FNDC3A: variants seen among roughly 807,000 people sequenced by gnomAD.
FNDC3A encodes fibronectin type III domain containing 3A.
A neutral mutation model predicts 148.9 loss-of-function variants in FNDC3A; 32 were observed. That is an observed-to-expected ratio of 0.21 (90% CI 0.16 to 0.29). FNDC3A has a LOEUF of 0.29. Ranked by LOEUF, FNDC3A falls within the 10% of genes least tolerant of loss-of-function variation. FNDC3A has a pLI of 1.00. For missense variants in FNDC3A, 1,191 were observed against 1,452.8 expected, an observed-to-expected ratio of 0.82 and a Z score of 2.93; for synonymous variants, 472 against 473.6, an observed-to-expected ratio of 1.00 and a Z score of 0.04.
At chr13:49,045,202 C>T (rs1405652784) in intron 2 of FNDC3A, among the ~76,000 whole-genome samples, 3 of 151,176 alleles carry the variant, frequency 2.0e-5, no homozygotes, top group African/African-American at 7.3e-5. Context: ...CACTCATGCT[C>T]GAGTGTAGTG....
chr13:49,074,785 C>G (rs1418700927), intron 2 of FNDC3A, among the ~76,000 whole-genome samples: 3 of 151,946 alleles, frequency 2.0e-5, no homozygotes, highest in Non-Finnish European at 4.4e-5. Flanking sequence ...CCTGTTTTTT[C>G]TCTGTTTTTC....
At chr13:49,110,315 C>A in intron 3 of FNDC3A, 1 of 1,543,928 alleles carries the variant, frequency 6.5e-7, no homozygotes, top group Non-Finnish European at 8.7e-7. Context: ...AAAAAAAAAG[C>A]CGTTCTCCAA....
intron 2 of FNDC3A, among the ~76,000 whole-genome samples, chr13:49,072,609 T>C (rs1877772272): frequency 6.6e-6 from 1 of 152,150 alleles, no homozygotes; most frequent in Admixed American, 6.5e-5. Context: ...TTTTTCATAT[T>C]GATTGTTCAT....
chr13:49,118,998 A>G (rs1175949794), intron 4 of FNDC3A, among the ~76,000 whole-genome samples: 1 of 152,176 alleles, frequency 6.6e-6, no homozygotes, highest in Admixed American at 6.5e-5. Context: ...AGAGCTCCCA[A>G]GCTCTGCTAA....
At chr13:49,165,928 T>C (rs1193958959) in intron 8 of FNDC3A, among the ~76,000 whole-genome samples, 1 of 151,240 alleles carries the variant, frequency 6.6e-6, no homozygotes, top group Admixed American at 6.6e-5. Flanking sequence ...CCAGGAGGAG[T>C]GCTCAGGTGT....
intron 2 of FNDC3A, among the ~76,000 whole-genome samples, chr13:49,070,408 G>C (rs1801201945): frequency 6.6e-6 from 1 of 151,998 alleles, no homozygotes; most frequent in Non-Finnish European, 1.5e-5. Flanking sequence ...ACATGTAATT[G>C]ATATAAAAAT....
At chr13:49,061,908 A>G (rs1876923787) in intron 2 of FNDC3A, among the ~76,000 whole-genome samples, 1 of 145,694 alleles carries the variant, frequency 6.9e-6, no homozygotes, top group Admixed American at 6.9e-5. Context: ...GGCATGAGGT[A>G]CCACATCCAG....
At chr13:48,997,478 A>G (rs949098005) in intron 1 of FNDC3A, among the ~76,000 whole-genome samples, 7 of 152,186 alleles carry the variant, frequency 4.6e-5, no homozygotes, top group East Asian at 1.9e-4. Context: ...CTAACCACCA[A>G]TGTGACAGTA....
intron 2 of FNDC3A, among the ~76,000 whole-genome samples, chr13:49,050,947 G>C (rs544198334): frequency 6.6e-6 from 1 of 152,180 alleles, no homozygotes; most frequent in East Asian, 1.9e-4. Flanking sequence ...TGTTTTGTCT[G>C]ATACAAGGAT....
chr13:49,132,062 T>C (rs1882069586), intron 5 of FNDC3A, among the ~76,000 whole-genome samples: 1 of 152,194 alleles, frequency 6.6e-6, no homozygotes, highest in Non-Finnish European at 1.5e-5. Context: ...AGTCACTTAG[T>C]TTGCTCAAAT....
intron 8 of FNDC3A, among the ~76,000 whole-genome samples, chr13:49,159,837 A>C (rs1883974755): frequency 1.3e-5 from 2 of 152,140 alleles, no homozygotes; most frequent in Non-Finnish European, 2.9e-5. Flanking sequence ...GGGCTGTTGA[A>C]TTTTGTCAAA....
At position 49,209,257 on chromosome 13, in the gene FNDC3A, A is replaced by G. The variant is rs1886790195; in HGVS notation, c.*1862A>G. ...AAAATGTGCCACTGTGTCAAGTTACAGTGGCTTATGTTTTTCATAGTAATT... is the reference window on the plus strand; with the variant it reads ...AAAATGTGCCACTGTGTCAAGTTACGGTGGCTTATGTTTTTCATAGTAATT... On this transcript the variant is annotated 3_prime_UTR_variant, in exon 26 of 26. Coordinates refer to ENST00000492622, the MANE Select transcript of FNDC3A (RefSeq NM_001079673.2). 1 of 152,648 alleles carries G rather than the reference A, an allele frequency of 6.6e-6. No homozygotes were observed. The highest frequency in any genetic ancestry group is 1.5e-5 in the Non-Finnish European group (1 of 68,026). 9.5% of individuals were successfully genotyped at this position (152,648 alleles called of 1,614,324 possible). A position where few individuals can be genotyped will look rare whatever the true frequency, so the allele number is the denominator to read the frequency against.
intron 3 of FNDC3A, among the ~76,000 whole-genome samples, chr13:49,104,997 T>C (rs1232791078): frequency 6.6e-6 from 1 of 152,136 alleles, no homozygotes; most frequent in East Asian, 1.9e-4. Flanking sequence ...ATGAAAAATA[T>C]AAGTCATAAA....
chr13:49,084,897 T>C (rs912722685), intron 3 of FNDC3A, among the ~76,000 whole-genome samples: 8 of 152,172 alleles, frequency 5.3e-5, no homozygotes, highest in Non-Finnish European at 1.2e-4. Flanking sequence ...GTCCCCTCAT[T>C]AAAGAAGTAA....
Position 49,205,929 on chromosome 13 carries a change from A to G in FNDC3A, c.3283-1152A>G, listed in dbSNP as rs534244095. Among the ~76,000 whole-genome samples, 5 of 152,358 alleles carry G rather than the reference A, an allele frequency of 3.3e-5. No individual in the cohort carries two copies. In the South Asian group the frequency reaches 6.2e-4, roughly 19 times the overall value. On this transcript the variant is annotated intron_variant, in intron 25 of 25. Coordinates refer to ENST00000492622, the MANE Select transcript of FNDC3A (RefSeq NM_001079673.2). ...CTTACTTTACTTTGAGAGCAAAGCA[A>G]TATGTAAAAATTTAGATTTACATCA... is the stretch of plus-strand genomic sequence containing the variant.
At chr13:48,982,140 C>T (rs1310696218) in intron 1 of FNDC3A, among the ~76,000 whole-genome samples, 1 of 151,996 alleles carries the variant, frequency 6.6e-6, no homozygotes. Flanking sequence ...TTTGTTGAGC[C>T]ATAACTTGAA....
intron 2 of FNDC3A, among the ~76,000 whole-genome samples, chr13:49,049,059 A>G (rs1278190409): frequency 6.6e-6 from 1 of 152,132 alleles, no homozygotes; most frequent in African/African-American, 2.4e-5. Flanking sequence ...TTTTGCATCT[A>G]TTGAGATAAT....
chr13:49,190,309 A>G (rs1379153140), intron 17 of FNDC3A, among the ~76,000 whole-genome samples: 1 of 152,236 alleles, frequency 6.6e-6, no homozygotes, highest in African/African-American at 2.4e-5. Flanking sequence ...GGAAAAGCTT[A>G]CCTGATTTTA....
rs1371355320 is a variant in FNDC3A, at chr13:49,208,023, T to A, written c.*628T>A. On this transcript the variant is annotated 3_prime_UTR_variant, in exon 26 of 26. Transcript: ENST00000492622. ...ATATATTCATGAATTCACAGATAAG[T>A]ACTTAAAGAACAGACAGTTTACTTG... is the stretch of plus-strand genomic sequence containing the variant. The A allele has an allele frequency of 6.6e-6, 1 of 152,514 alleles. No homozygotes were observed. The highest frequency in any genetic ancestry group is 1.9e-4 in the East Asian group (1 of 5,194). The allele number at this position is 152,514 out of a possible 1,614,324, so 9.4% of individuals were successfully genotyped here.
Sources: gnomAD v4.1 joint callset for allele counts (sites outside exome capture counted in the v4.1 genomes callset) on GRCh38, gnomAD v4.1.1 for gene constraint, MANE v1.5 for transcripts, NCBI Gene and HGNC (gene_info 2026-07-23, HGNC 2026-07-21) for gene names.